Variants in TMEM178B observed in about 807,000 individuals in gnomAD.
TMEM178B encodes the protein transmembrane protein 178B.
TMEM178B carries 5 observed loss-of-function variants against 31.0 expected under a neutral mutation model. That is an observed-to-expected ratio of 0.16 (90% CI 0.08 to 0.34). The LOEUF (loss-of-function observed/expected upper bound fraction) is 0.34, where lower values mean the gene tolerates loss of function less well. TMEM178B is among the 10% of genes least tolerant of loss of function. The pLI, the probability that TMEM178B is intolerant of heterozygous loss-of-function variation, is 1.00. For synonymous variants in TMEM178B, 164 were observed against 164.0 expected (o/e 1.00, Z 0.00); for missense variants, 275 against 400.3 (o/e 0.69, Z 2.67).
chr7:141,333,647 T>G (rs1799333725), intron 2 of TMEM178B, among the ~76,000 whole-genome samples: 1 of 152,196 alleles, frequency 6.6e-6, no homozygotes, highest in African/African-American at 2.4e-5. Context: ...GGGCCAGAGC[T>G]GACCCAGACT....
At chr7:141,373,649 AC>A (rs1193091529) in intron 2 of TMEM178B, among the ~76,000 whole-genome samples, 2 of 151,692 alleles carry the variant, frequency 1.3e-5, no homozygotes, top group Non-Finnish European at 2.9e-5. Context: ...GCCACCCTCC[AC>A]CCCCCCAACA....
At chr7:141,208,175 A>G (rs549712064) in intron 1 of TMEM178B, among the ~76,000 whole-genome samples, 5 of 150,206 alleles carry the variant, frequency 3.3e-5, no homozygotes, top group African/African-American at 1.2e-4. Flanking sequence ...CCTGGGTGAC[A>G]TAGTGAGACC....
intron 2 of TMEM178B, among the ~76,000 whole-genome samples, chr7:141,216,230 A>T (rs1434039219): frequency 6.6e-6 from 1 of 152,120 alleles, no homozygotes; most frequent in Non-Finnish European, 1.5e-5. Flanking sequence ...AATTTGGTTT[A>T]AAACTACATT....
chr7:141,075,964 T>G (rs1794594604), intron 1 of TMEM178B, among the ~76,000 whole-genome samples: 1 of 152,242 alleles, frequency 6.6e-6, no homozygotes, highest in African/African-American at 2.4e-5. Flanking sequence ...GGGTCTGGTC[T>G]AGGTGGCCAG....
At chr7:141,340,736 C>G (rs1427386146) in intron 2 of TMEM178B, among the ~76,000 whole-genome samples, 1 of 152,184 alleles carries the variant, frequency 6.6e-6, no homozygotes, top group South Asian at 2.1e-4. Flanking sequence ...CATACCTTGA[C>G]ATGAAACTGT....
At chr7:141,176,285 G>A (rs1460899260) in intron 1 of TMEM178B, among the ~76,000 whole-genome samples, 3 of 152,174 alleles carry the variant, frequency 2.0e-5, no homozygotes, top group Non-Finnish European at 2.9e-5. Flanking sequence ...TGTTGAACCA[G>A]ACTTGCATCC....
At chr7:141,229,506 G>A (rs374707026) in intron 2 of TMEM178B, among the ~76,000 whole-genome samples, 129 of 151,836 alleles carry the variant, frequency 8.5e-4, no homozygotes, top group African/African-American at 2.9e-3. Context: ...TTTCTCTTGC[G>A]TTTTCCATCG....
At chr7:141,138,356 C>T (rs533927309) in intron 1 of TMEM178B, among the ~76,000 whole-genome samples, 3 of 152,136 alleles carry the variant, frequency 2.0e-5, no homozygotes, top group East Asian at 1.9e-4. Context: ...CCACTGCGCC[C>T]GGCCTAAAAT....
At position 141,186,440 on chromosome 7, in the gene TMEM178B, C is replaced by T. The variant is rs144191076; in HGVS notation, c.383-26151C>T. On this transcript the variant is annotated intron_variant, in intron 1 of 3. Transcript: ENST00000565468. ...CCTGCCCTTCCTCTCGGGGCCTCTG[C>T]TCCTCCTTCCCCATCCGCTGTCTCT... 5.3e-5 allele frequency among the ~76,000 whole-genome samples: 8 copies of T among 152,312 alleles called. No individual in the cohort carries two copies. In the East Asian group the frequency reaches 1.5e-3, roughly 29 times the overall value.
chr7:141,213,879 A>T (rs1215184488), intron 2 of TMEM178B, among the ~76,000 whole-genome samples: 1 of 152,212 alleles, frequency 6.6e-6, no homozygotes, highest in East Asian at 1.9e-4. Context: ...GAAATGATAG[A>T]GCAGGTGCCA....
chr7:141,077,931 A>G lies in TMEM178B; in HGVS notation c.382+3239A>G, dbSNP rs76644216. 3.3e-5 allele frequency among the ~76,000 whole-genome samples: 5 copies of G among 152,328 alleles called. No individual in the cohort carries two copies. The East Asian group carries it at 7.7e-4, about 23-fold the overall frequency. ...AACAGACAATTCTGTTTTGGATAAC[A>G]TGTCACTAAGCAGACACATATCACT... On this transcript the variant is annotated intron_variant, in intron 1 of 3. Transcript: ENST00000565468.
At chr7:141,254,677 C>T (rs909533060) in intron 2 of TMEM178B, among the ~76,000 whole-genome samples, 14 of 152,070 alleles carry the variant, frequency 9.2e-5, no homozygotes, top group Non-Finnish European at 4.4e-5. Context: ...GCTGAGATGG[C>T]GCCATTTCAC....
chr7:141,413,225 G>A (rs1351998260), intron 2 of TMEM178B, among the ~76,000 whole-genome samples: 2 of 152,186 alleles, frequency 1.3e-5, no homozygotes, highest in Admixed American at 6.5e-5. Context: ...GGGTATCTGC[G>A]TTTCCTTTTT....
chr7:141,418,519 A>C (rs1011593016), intron 2 of TMEM178B, among the ~76,000 whole-genome samples: 2 of 152,232 alleles, frequency 1.3e-5, no homozygotes, highest in African/African-American at 4.8e-5. Context: ...ATTTGATCCC[A>C]GTAACATTAG....
chr7:141,409,428 C>T lies in TMEM178B; in HGVS notation c.497-28180C>T, dbSNP rs1800941663. Among the ~76,000 whole-genome samples, 2 of 152,216 alleles carry T rather than the reference C, an allele frequency of 1.3e-5. 1 individual carries two copies. Among genetic ancestry groups the T allele is most frequent in the South Asian group, 4.1e-4 (2 of 4,832 alleles). On this transcript the variant is annotated intron_variant, in intron 2 of 3. Coordinates refer to ENST00000565468, the MANE Select transcript of TMEM178B (RefSeq NM_001195278.2). ...TTGCTGTGTGACCTTGAGCAAGTTA[C>T]TTAATCTTTCTGTGCTGCTGTTTCC...
intron 2 of TMEM178B, among the ~76,000 whole-genome samples, chr7:141,254,472 C>A (rs1797890200): frequency 6.6e-6 from 1 of 152,220 alleles, no homozygotes; most frequent in South Asian, 2.1e-4. Context: ...AATCCCAGCA[C>A]TCTGGAAGGC....
At chr7:141,112,040 C>T (rs1012953570) in intron 1 of TMEM178B, among the ~76,000 whole-genome samples, 14 of 152,178 alleles carry the variant, frequency 9.2e-5, no homozygotes, top group African/African-American at 3.1e-4. Context: ...ATTATTTTTC[C>T]TGCTATTTGC....
intron 1 of TMEM178B, among the ~76,000 whole-genome samples, chr7:141,111,641 T>C (rs1273117862): frequency 2.0e-5 from 3 of 146,694 alleles, no homozygotes; most frequent in Admixed American, 6.9e-5. Context: ...CTTGTGTAGA[T>C]CGGAGAAGAT....
chr7:141,454,901 G>A (rs989199726), intron 3 of TMEM178B, among the ~76,000 whole-genome samples: 6 of 151,718 alleles, frequency 4.0e-5, no homozygotes, highest in African/African-American at 7.3e-5. Flanking sequence ...CTCATTCCTC[G>A]AATAAACCCC....
Sources: gnomAD v4.1 joint callset for allele counts (sites outside exome capture counted in the v4.1 genomes callset) on GRCh38, gnomAD v4.1.1 for gene constraint, MANE v1.5 for transcripts, NCBI Gene and HGNC (gene_info 2026-07-23, HGNC 2026-07-21) for gene names.